Variants in LRRC36 observed in about 807,000 individuals in gnomAD.
LRRC36 encodes leucine-rich repeat-containing protein 36.
LRRC36 carries 62 observed loss-of-function variants against 81.1 expected under a neutral mutation model. The observed-to-expected ratio is 0.76, with a 90% CI of 0.62 to 0.94. The LOEUF (loss-of-function observed/expected upper bound fraction) is 0.94, where lower values mean the gene tolerates loss of function less well. Among genes scored for constraint, LRRC36 ranks in the 40% least tolerant of loss-of-function variants. LRRC36 has a pLI of 0.00. For missense variants in LRRC36, 761 were observed against 881.7 expected, an observed-to-expected ratio of 0.86 and a Z score of 1.73; for synonymous variants, 334 against 348.6, an observed-to-expected ratio of 0.96 and a Z score of 0.47.
intron 1 of LRRC36, among the ~76,000 whole-genome samples, chr16:67,340,215 T>G (rs1485248936): frequency 6.6e-6 from 1 of 152,202 alleles, no homozygotes; most frequent in Non-Finnish European, 1.5e-5. Context: ...AAGATCTTAT[T>G]TCAATGCAGT....
chr16:67,335,209 C>T (rs2037701024), intron 1 of LRRC36, among the ~76,000 whole-genome samples: 1 of 152,164 alleles, frequency 6.6e-6, no homozygotes, highest in South Asian at 2.1e-4. Context: ...CTTATTTCAT[C>T]CTACAGCTGT....
Position 67,365,277 on chromosome 16 carries a change from C to T in LRRC36, c.703-27C>T, listed in dbSNP as rs747078527. 7.6e-6 allele frequency: 12 copies of T among 1,569,404 alleles called. No homozygotes were observed. In the African/African-American group the frequency reaches 1.5e-4, roughly 19 times the overall value. Reference sequence around the variant, plus strand: ...CATTTGAACGCGCATGGACTTCCTTCTACCTAAACTTTCGAACTTTTTTTA... The same window carrying T: ...CATTTGAACGCGCATGGACTTCCTTTTACCTAAACTTTCGAACTTTTTTTA... On this transcript the variant is annotated intron_variant, in intron 6 of 13. Transcript: ENST00000329956.
intron 4 of LRRC36, among the ~76,000 whole-genome samples, chr16:67,349,393 C>T (rs2038509848): frequency 6.6e-6 from 1 of 151,852 alleles, no homozygotes; most frequent in African/African-American, 2.4e-5. Context: ...TTTATGATTA[C>T]ATGAAATGGT....
intron 12 of LRRC36, 42 bp from the exon 13 acceptor site, chr16:67,382,091 G>A (rs1382898450): frequency 7.5e-7 from 1 of 1,340,284 alleles, no homozygotes; most frequent in Non-Finnish European, 1.1e-6. Flanking sequence ...AAGACTAGCA[G>A]CTTGGAATCC....
intron 11 of LRRC36, among the ~76,000 whole-genome samples, chr16:67,377,421 C>G (rs1051135621): frequency 6.6e-6 from 1 of 152,188 alleles, no homozygotes; most frequent in South Asian, 2.1e-4. Context: ...ACCTCTGCCC[C>G]CCAGGTTCAA....
chr16:67,329,335 G>A (rs1444236898), intron 1 of LRRC36, among the ~76,000 whole-genome samples: 1 of 152,136 alleles, frequency 6.6e-6, no homozygotes, highest in Non-Finnish European at 1.5e-5. Context: ...CTGTTGCCCA[G>A]GCTGGAGTGC....
chr16:67,384,157 C>T lies in LRRC36; in HGVS notation c.2046-713C>T, dbSNP rs117567247. ...TTTTAACATTAGATGGTAATACAGG[C>T]CAGGTGCAGTGGCTCGAGCCTGTAA... On this transcript the variant is annotated intron_variant, in intron 13 of 13. Coordinates refer to ENST00000329956, the MANE Select transcript of LRRC36 (RefSeq NM_018296.6). 6.0e-3 allele frequency among the ~76,000 whole-genome samples: 915 copies of T among 152,200 alleles called. 4 individuals are homozygous for T. The highest frequency in any genetic ancestry group is 0.01 in the Non-Finnish European group (712 of 68,010).
At position 67,362,174 on chromosome 16, in the gene LRRC36, T is replaced by C. The variant is rs142110946; in HGVS notation, c.578-1416T>C. 4.8e-3 allele frequency: 2,158 copies of C among 453,736 alleles called. 48 individuals are homozygous for C. Among genetic ancestry groups the C allele is most frequent in the Admixed American group, 0.045 (1,894 of 42,538 alleles). The allele number at this position is 453,736 out of a possible 1,614,324, so 28.1% of individuals were successfully genotyped here. On this transcript the variant is annotated intron_variant, in intron 5 of 13. Transcript: ENST00000329956. ...ATACGTTTTGTTTTGTTTTGTTTTT[T>C]CTTCCCGAGAAAGAGTCTTGCTCTG...
chr16:67,340,309 G>A (rs906347957), intron 1 of LRRC36, among the ~76,000 whole-genome samples: 1 of 152,060 alleles, frequency 6.6e-6, no homozygotes, highest in African/African-American at 2.4e-5. Flanking sequence ...TACCACCCTT[G>A]CCAGTGAGTT....
intron 5 of LRRC36, among the ~76,000 whole-genome samples, chr16:67,355,363 CTTTTTTTTTTTTTT>C (rs1156742689): frequency 6.4e-5 from 5 of 77,706 alleles, no homozygotes; most frequent in Non-Finnish European, 1.1e-4. Flanking sequence ...TTTAAGATGT[CTTTTTTTTTTTTTT>C]TTTTTTTTTT....
At chr16:67,330,763 G>A (rs1186766516) in intron 1 of LRRC36, among the ~76,000 whole-genome samples, 1 of 152,068 alleles carries the variant, frequency 6.6e-6, no homozygotes, top group African/African-American at 2.4e-5. Flanking sequence ...TACTCAGGAG[G>A]CTGAGGCAGG....
At chr16:67,356,443 G>A (rs148192344) in intron 5 of LRRC36, among the ~76,000 whole-genome samples, 22 of 152,232 alleles carry the variant, frequency 1.4e-4, no homozygotes, top group Non-Finnish European at 2.2e-4. Flanking sequence ...GACAGTCTAC[G>A]GCTGTCATGG....
intron 10 of LRRC36, among the ~76,000 whole-genome samples, chr16:67,376,076 G>T (rs1381644252): frequency 6.6e-6 from 1 of 152,194 alleles, no homozygotes; most frequent in African/African-American, 2.4e-5. Context: ...TTGGGAGGCC[G>T]AGGTGGGTGG....
At position 67,342,038 on chromosome 16, in the gene LRRC36, A is replaced by G; in HGVS notation, c.152A>G (p.Asn51Ser). 6.2e-7 allele frequency: 1 copy of G among 1,611,438 alleles called. No homozygotes were observed. Among genetic ancestry groups the G allele is most frequent in the Admixed American group, 1.7e-5 (1 of 59,932 alleles). Residue 51 changes from asparagine to serine, a missense_variant, in exon 2 of 14, where the codon AAT becomes AGT. Physicochemically the swap from Asn to Ser is conservative, Grantham distance 46. Around this residue, in one of 3 missense-constraint regions of LRRC36, gnomAD observed 263 missense variants for 279.3 expected, o/e 0.94. Coordinates refer to ENST00000329956, the MANE Select transcript of LRRC36 (RefSeq NM_018296.6). ...SIGDAFRNFKNLRSLDLSRNL... is the reference protein window; with the variant it reads ...SIGDAFRNFKSLRSLDLSRNL... ...GGTGATGCCTTCAGAAATTTTAAAA[A>G]TCTCCGATCCTTAGATTTATCAAGG...
At chr16:67,346,848 A>G (rs1406431737) in intron 3 of LRRC36, among the ~76,000 whole-genome samples, 1 of 151,712 alleles carries the variant, frequency 6.6e-6, no homozygotes, top group Non-Finnish European at 1.5e-5. Flanking sequence ...GCTGGTCTAT[A>G]TTTTCTTATT....
intron 8 of LRRC36, 62 bp from the exon 9 acceptor site, chr16:67,370,882 A>G: frequency 7.1e-7 from 1 of 1,417,342 alleles, no homozygotes; most frequent in Non-Finnish European, 9.8e-7. Flanking sequence ...CAAGGTATGG[A>G]TAGAAGTGAG....
intron 5 of LRRC36, among the ~76,000 whole-genome samples, chr16:67,358,948 G>A (rs1345914377): frequency 6.6e-6 from 1 of 152,140 alleles, no homozygotes; most frequent in Non-Finnish European, 1.5e-5. Context: ...TGAATACTGG[G>A]CTTAATATCC....
chr16:67,327,121 G>A, intron 1 of LRRC36, 189 bp downstream of exon 1: 4 of 525,620 alleles, frequency 7.6e-6, no homozygotes. Flanking sequence ...AGGAACTGAA[G>A]TAACGGGAGG....
chr16:67,380,839 C>T (rs1316510243), intron 12 of LRRC36, among the ~76,000 whole-genome samples: 1 of 152,200 alleles, frequency 6.6e-6, no homozygotes, highest in Non-Finnish European at 1.5e-5. Flanking sequence ...ATTAGTATCA[C>T]CTGGGAGCTT....
Sources: gnomAD v4.1 joint callset for allele counts (sites outside exome capture counted in the v4.1 genomes callset) on GRCh38, gnomAD v4.1.1 for gene constraint, gnomAD v4.1.1 regional missense constraint, MANE v1.5 for transcripts, NCBI Gene and HGNC (gene_info 2026-07-23, HGNC 2026-07-21) for gene names.